Variants in PSMG1 observed in about 807,000 individuals in gnomAD.
PSMG1 encodes the protein Down syndrome critical region gene 2.
In PSMG1, 23 loss-of-function variants were observed where a neutral mutation model predicts 37.2. The ratio of observed to expected loss-of-function variants is 0.62; its 90% confidence interval spans 0.44 to 0.88. PSMG1 has a LOEUF of 0.88. PSMG1 is among the 40% of genes least tolerant of loss of function. PSMG1 has a pLI of 0.00. For synonymous variants in PSMG1, 127 were observed against 128.0 expected (o/e 0.99, Z 0.05); for missense variants, 340 against 344.2 (o/e 0.99, Z 0.10).
chr21:39,180,464 T>C, intron 2 of PSMG1, 28 bp from the exon 3 acceptor site: 1 of 1,546,546 alleles, frequency 6.5e-7, no homozygotes, highest in East Asian at 2.3e-5. Flanking sequence ...CATAAGTTAG[T>C]GTTTGGCTCT....
intron 4 of PSMG1, 38 bp downstream of exon 4, chr21:39,179,886 G>A: frequency 6.3e-7 from 1 of 1,593,254 alleles, no homozygotes; most frequent in Non-Finnish European, 8.6e-7. Flanking sequence ...GAAAACTCCT[G>A]TAGACTAACC....
Position 39,177,674 on chromosome 21 carries a change from C to T in PSMG1, c.656-103G>A, listed in dbSNP as rs1601183283. On this transcript the variant is annotated intron_variant, in intron 5 of 6. Transcript: ENST00000331573. The stretch of plus-strand genomic sequence containing the variant: ...AGGCTGTTGTTAAAAGTAGTTATCT[C>T]AGCTGCCTCTTTCAATCAAGGTATT... The T allele has an allele frequency of 5.6e-6, 5 of 894,030 alleles. No homozygotes were observed. The East Asian group carries it at 1.3e-4, about 23-fold the overall frequency. 55.4% of individuals were successfully genotyped at this position (894,030 alleles called of 1,614,324 possible).
chr21:39,177,710 T>C (rs192539231), intron 5 of PSMG1, 139 bp from the exon 6 acceptor site: 19 of 540,520 alleles, frequency 3.5e-5, no homozygotes, highest in Middle Eastern at 5.2e-4. Context: ...TACTGCAATT[T>C]TGAACCAATT....
At chr21:39,180,473 C>A in intron 2 of PSMG1, 37 bp from the exon 3 acceptor site, 1 of 1,528,916 alleles carries the variant, frequency 6.5e-7, no homozygotes, top group South Asian at 1.3e-5. Flanking sequence ...GTGTTTGGCT[C>A]TGCAAGCTAT....
At position 39,183,410 on chromosome 21, in the gene PSMG1, C is replaced by G. The variant is rs368486188; in HGVS notation, c.-25G>C. ...TAGCCGCCCCGTGACCGGCTGGACACAACTGCAGCGCCGCGGGACCGCACG... is the reference window on the plus strand; with the variant it reads ...TAGCCGCCCCGTGACCGGCTGGACAGAACTGCAGCGCCGCGGGACCGCACG... On this transcript the variant is annotated 5_prime_UTR_variant, in exon 1 of 7. Transcript: ENST00000331573. 1.3e-6 allele frequency: 2 copies of G among 1,567,784 alleles called. No individual in the cohort carries two copies. The highest frequency in any genetic ancestry group is 3.3e-4 in the Middle Eastern group (2 of 5,982).
intron 2 of PSMG1, 73 bp from the exon 3 acceptor site, chr21:39,180,509 T>A: frequency 7.1e-7 from 1 of 1,416,988 alleles, no homozygotes; most frequent in Non-Finnish European, 9.4e-7. Context: ...AAAAGTAAGC[T>A]CAAGTTACTG....
chr21:39,178,563 T>G lies in PSMG1; in HGVS notation c.541A>C (p.Thr181Pro). The stretch of plus-strand genomic sequence containing the variant: ...AGGAAAGGAGAAGGAAGGCTGCCGG[T>G]GGATTCTGAGGTTTTATAATCGGTA... ...HVTDYKTSES[T>P]GSLPSPFLRA... Residue 181 changes from threonine (T) to proline (P), a missense_variant, in exon 5 of 7, where the codon ACC (threonine) becomes CCC (proline). Coordinates refer to ENST00000331573, the MANE Select transcript of PSMG1 (RefSeq NM_003720.4). 6.2e-7 allele frequency: 1 copy of G among 1,614,160 alleles called. No individual in the cohort carries two copies. Among genetic ancestry groups the G allele is most frequent in the Non-Finnish European group, 8.5e-7 (1 of 1,179,994 alleles).
intron 3 of PSMG1, 77 bp downstream of exon 3, chr21:39,180,208 A>T: frequency 6.8e-7 from 1 of 1,471,512 alleles, no homozygotes; most frequent in Non-Finnish European, 9.1e-7. Context: ...GATTTGCCAT[A>T]CTAAAGTATA....
At chr21:39,180,754 T>TCTA (rs760943778) in intron 2 of PSMG1, among the ~76,000 whole-genome samples, 13 of 152,212 alleles carry the variant, frequency 8.5e-5, no homozygotes, top group Non-Finnish European at 1.9e-4. Context: ...GAGTCCATAG[T>TCTA]TACTTGCCAT....
chr21:39,176,541 T>C (rs2030632574), intron 6 of PSMG1, among the ~76,000 whole-genome samples: 1 of 152,256 alleles, frequency 6.6e-6, no homozygotes. Flanking sequence ...CCCTGGATTC[T>C]AGCTAATTTG....
chr21:39,180,909 C>G (rs1048859812), intron 2 of PSMG1, among the ~76,000 whole-genome samples: 1 of 152,032 alleles, frequency 6.6e-6, no homozygotes, highest in Non-Finnish European at 1.5e-5. Flanking sequence ...GTACATTGTC[C>G]TAGCTGCACT....
At chr21:39,176,677 G>C (rs1450698767) in intron 6 of PSMG1, among the ~76,000 whole-genome samples, 1 of 152,080 alleles carries the variant, frequency 6.6e-6, no homozygotes, top group African/African-American at 2.4e-5. Context: ...TAAAAATCGT[G>C]GTCCATTACC....
chr21:39,180,107 T>C (rs2030771564), intron 3 of PSMG1, 121 bp from the exon 4 acceptor site: 9 of 1,239,312 alleles, frequency 7.3e-6, no homozygotes, highest in South Asian at 5.7e-5. Flanking sequence ...GGCTCCACTA[T>C]TGACCTACTT....
chr21:39,179,971 A>T lies in PSMG1; in HGVS notation c.409T>A (p.Cys137Ser). 6.2e-7 allele frequency: 1 copy of T among 1,613,024 alleles called. No individual in the cohort carries two copies. Among genetic ancestry groups the T allele is most frequent in the Non-Finnish European group, 8.5e-7 (1 of 1,179,958 alleles). Residue 137 changes from cysteine to serine, a missense_variant, in exon 4 of 7, where the codon TGC (cysteine) becomes AGC (serine). Coordinates refer to ENST00000331573, the MANE Select transcript of PSMG1 (RefSeq NM_003720.4). ...KSNPSVFLCQ[C>S]SCYVAEDQQY... ...TGATCTTCTGCAACATAGCAACTGCACTGACAGAGAAAAACCTGAAAAGTC... is the reference window on the plus strand; with the variant it reads ...TGATCTTCTGCAACATAGCAACTGCTCTGACAGAGAAAAACCTGAAAAGTC...
At chr21:39,183,204 G>A (rs369437106) in intron 1 of PSMG1, 48 bp downstream of exon 1, 3 of 1,503,580 alleles carry the variant, frequency 2.0e-6, no homozygotes, top group Non-Finnish European at 1.8e-6. Context: ...CCAGGCCCGC[G>A]CACCTTCCAG....
intron 4 of PSMG1, among the ~76,000 whole-genome samples, chr21:39,179,189 T>C (rs2030734110): frequency 6.6e-6 from 1 of 152,178 alleles, no homozygotes; most frequent in Admixed American, 6.5e-5. Context: ...GCCAGCACCA[T>C]GCTTCCTATA....
intron 6 of PSMG1, among the ~76,000 whole-genome samples, chr21:39,176,064 C>T (rs780048466): frequency 2.0e-5 from 3 of 152,188 alleles, no homozygotes; most frequent in Non-Finnish European, 4.4e-5. Flanking sequence ...TCAAATCCAA[C>T]TAAACTGCCA....
intron 2 of PSMG1, 65 bp from the exon 3 acceptor site, chr21:39,180,501 A>C (rs2030790915): frequency 8.4e-6 from 12 of 1,437,038 alleles, no homozygotes; most frequent in Non-Finnish European, 1.0e-5. Flanking sequence ...ATTCAATAAA[A>C]AGTAAGCTCA....
chr21:39,183,203 C>T (rs2030934054), intron 1 of PSMG1, 49 bp downstream of exon 1: 5 of 1,503,112 alleles, frequency 3.3e-6, no homozygotes, highest in Non-Finnish European at 4.4e-6. Flanking sequence ...GCCAGGCCCG[C>T]GCACCTTCCA....
Sources: gnomAD v4.1 joint callset for allele counts (sites outside exome capture counted in the v4.1 genomes callset) on GRCh38, gnomAD v4.1.1 for gene constraint, MANE v1.5 for transcripts, NCBI Gene and HGNC (gene_info 2026-07-23, HGNC 2026-07-21) for gene names.